CSMD1: variants seen among roughly 807,000 people sequenced by gnomAD.
CSMD1 encodes CUB and Sushi multiple domains 1.
A neutral mutation model predicts 417.5 loss-of-function variants in CSMD1; 213 were observed. The ratio of observed to expected loss-of-function variants is 0.51; its 90% confidence interval spans 0.46 to 0.57. The LOEUF (loss-of-function observed/expected upper bound fraction) is 0.57. CSMD1 is among the 20% of genes least tolerant of loss of function. The probability of loss-of-function intolerance (pLI) is 0.00; values close to 1 mark genes in which losing one functional copy is unlikely to be tolerated. For synonymous variants in CSMD1, 2,862 were observed against 1,736.8 expected (o/e 1.65, Z -16.11); for missense variants, 6,923 against 4,529.7 (o/e 1.53, Z -15.17).
chr8:3,400,037 C>G (rs775583612), intron 15 of CSMD1, among the ~76,000 whole-genome samples: 1 of 152,062 alleles, frequency 6.6e-6, no homozygotes, highest in Non-Finnish European at 1.5e-5. Context: ...TGAAACAAAA[C>G]AAAATGTTCA....
At chr8:3,021,653 C>T (rs148687967) in intron 51 of CSMD1, among the ~76,000 whole-genome samples, 84 of 151,992 alleles carry the variant, frequency 5.5e-4, no homozygotes, top group African/African-American at 1.3e-3. Flanking sequence ...CCAAAGCCTC[C>T]GGAATGCACC....
intron 12 of CSMD1, among the ~76,000 whole-genome samples, chr8:3,456,394 T>G (rs1017326902): frequency 1.1e-4 from 17 of 152,162 alleles, no homozygotes; most frequent in Non-Finnish European, 2.2e-4. Flanking sequence ...TCCCTCACGC[T>G]GGGAGCTGTA....
At chr8:3,845,831 A>T (rs965936863) in intron 5 of CSMD1, among the ~76,000 whole-genome samples, 2 of 149,962 alleles carry the variant, frequency 1.3e-5, no homozygotes, top group Admixed American at 6.7e-5. Context: ...CTTCTATTTA[A>T]TTTTTTTTTT....
intron 49 of CSMD1, among the ~76,000 whole-genome samples, chr8:3,082,858 T>TCCCTACAGATAGGTAA (rs1293680146): frequency 7.2e-5 from 11 of 152,346 alleles, no homozygotes; most frequent in Non-Finnish European, 1.0e-4. Flanking sequence ...GTAAAACCTG[T>TCCCTACAGATAGGTAA]AACTCTATCC....
chr8:4,885,062 G>A (rs1396041648), intron 1 of CSMD1, among the ~76,000 whole-genome samples: 2 of 151,852 alleles, frequency 1.3e-5, no homozygotes, highest in Non-Finnish European at 2.9e-5. Context: ...GAACTTCTTT[G>A]TTAAAAGTAT....
chr8:4,230,914 G>C (rs940096929), intron 3 of CSMD1, among the ~76,000 whole-genome samples: 3 of 152,010 alleles, frequency 2.0e-5, no homozygotes, highest in Non-Finnish European at 4.4e-5. Flanking sequence ...TATATGCTGT[G>C]ATTTTTTAAT....
intron 7 of CSMD1, among the ~76,000 whole-genome samples, chr8:3,621,501 A>C (rs551153821): frequency 6.6e-6 from 1 of 152,288 alleles, no homozygotes; most frequent in South Asian, 2.1e-4. Context: ...AGTATGATGA[A>C]AATTTACAGA....
At chr8:4,192,464 C>T (rs1799085313) in intron 3 of CSMD1, among the ~76,000 whole-genome samples, 1 of 152,078 alleles carries the variant, frequency 6.6e-6, no homozygotes, top group African/African-American at 2.4e-5. Flanking sequence ...CCGTGAATCT[C>T]GGTAGCACTG....
intron 10 of CSMD1, among the ~76,000 whole-genome samples, chr8:3,540,353 C>G (rs1041546679): frequency 6.6e-6 from 1 of 152,156 alleles, no homozygotes; most frequent in African/African-American, 2.4e-5. Context: ...GTGCCCTATA[C>G]AGAATCTCCT....
chr8:4,227,665 G>A (rs928512479), intron 3 of CSMD1, among the ~76,000 whole-genome samples: 2 of 151,998 alleles, frequency 1.3e-5, no homozygotes, highest in African/African-American at 2.4e-5. Context: ...GATCCTCCTG[G>A]CAGACACAGC....
Position 3,359,145 on chromosome 8 carries a change from C to T in CSMD1, c.3304+7G>A, listed in dbSNP as rs1004100826. On this transcript the variant is annotated splice_region_variant and intron_variant, in intron 21 of 69. Transcript: ENST00000635120. ...GATGAATGAAATGAAAGCGTGTGACCACCTACCCACACACCTTGGCAGAGG... is the reference window on the plus strand; with the variant it reads ...GATGAATGAAATGAAAGCGTGTGACTACCTACCCACACACCTTGGCAGAGG... 5 of 1,613,604 alleles carry T rather than the reference C, an allele frequency of 3.1e-6. No homozygotes were observed. Among genetic ancestry groups the T allele is most frequent in the South Asian group, 1.1e-5 (1 of 91,060 alleles).
At chr8:4,627,251 G>C (rs1051180855) in intron 2 of CSMD1, among the ~76,000 whole-genome samples, 3 of 152,108 alleles carry the variant, frequency 2.0e-5, no homozygotes, top group African/African-American at 4.8e-5. Context: ...AAATGGGCAG[G>C]ATGGGGGAAA....
chr8:3,018,599 G>C lies in CSMD1; in HGVS notation c.7907C>G (p.Thr2636Arg). Residue 2636 changes from threonine (T) to arginine (R), a missense_variant, in exon 52 of 70, where the codon ACG (threonine) becomes AGG (arginine). Coordinates refer to ENST00000635120, the MANE Select transcript of CSMD1 (RefSeq NM_033225.6). ...SFPPNGNKIG[T>R]LTVYGATAIF... The stretch of plus-strand genomic sequence containing the variant: ...AGCTGTGGCCCCATAAACTGTCAAC[G>C]TTCCAATCTTGTTGCCATTTGGGGG... 6.2e-7 allele frequency: 1 copy of C among 1,613,078 alleles called. No individual in the cohort carries two copies. Among genetic ancestry groups the C allele is most frequent in the East Asian group, 2.2e-5 (1 of 44,850 alleles).
chr8:3,912,784 A>G (rs1201672912), intron 5 of CSMD1, among the ~76,000 whole-genome samples: 7 of 152,214 alleles, frequency 4.6e-5, no homozygotes. Flanking sequence ...ACACGAAGGC[A>G]TGCAATGCTA....
At chr8:4,921,509 T>C (rs756917362) in intron 1 of CSMD1, among the ~76,000 whole-genome samples, 1 of 152,246 alleles carries the variant, frequency 6.6e-6, no homozygotes, top group South Asian at 2.1e-4. Context: ...GTTTGTGATG[T>C]TGGAATCACT....
chr8:3,838,934 A>G (rs1367666714), intron 5 of CSMD1, among the ~76,000 whole-genome samples: 1 of 98,076 alleles, frequency 1.0e-5, no homozygotes. Flanking sequence ...CTCTATTTAT[A>G]TATAATAAAA....
chr8:4,275,835 T>C (rs1796453966), intron 3 of CSMD1, among the ~76,000 whole-genome samples: 1 of 152,344 alleles, frequency 6.6e-6, no homozygotes, highest in South Asian at 2.1e-4. Flanking sequence ...AGTGATATTG[T>C]TATATTTTAT....
intron 10 of CSMD1, among the ~76,000 whole-genome samples, chr8:3,553,817 A>G (rs558196498): frequency 6.6e-6 from 1 of 152,254 alleles, no homozygotes; most frequent in South Asian, 2.1e-4. Flanking sequence ...CAGAATATTT[A>G]TAATATTTGT....
At chr8:3,872,048 A>T (rs1272378711) in intron 5 of CSMD1, among the ~76,000 whole-genome samples, 1 of 152,188 alleles carries the variant, frequency 6.6e-6, no homozygotes, top group Non-Finnish European at 1.5e-5. Context: ...GATACATTAT[A>T]TTGCTCTTTT....
Sources: allele counts gnomAD v4.1 joint callset (sites outside exome capture counted in the v4.1 genomes callset), GRCh38; gene constraint gnomAD v4.1.1; transcripts MANE v1.5; gene names NCBI Gene and HGNC (gene_info 2026-07-23, HGNC 2026-07-21).